The following PHACTR4 variants were observed in gnomAD, a reference collection of about 807,000 sequenced individuals.
The protein encoded by PHACTR4 is phosphatase and actin regulator 4.
PHACTR4 carries 51 observed loss-of-function variants against 72.7 expected under a neutral mutation model. The ratio of observed to expected loss-of-function variants is 0.70; its 90% CI spans 0.56 to 0.89. The LOEUF (loss-of-function observed/expected upper bound fraction) is 0.89. PHACTR4 is among the 40% of genes least tolerant of loss of function. The pLI, the probability that PHACTR4 is intolerant of heterozygous loss-of-function variation, is 0.00. For missense variants in PHACTR4, 731 were observed against 861.8 expected (o/e 0.85, Z 1.90); for synonymous variants, 255 against 302.5 (o/e 0.84, Z 1.63).
intron 2 of PHACTR4, among the ~76,000 whole-genome samples, chr1:28,440,404 T>TTTTTTTTA (rs1656935256): frequency 9.0e-6 from 1 of 110,922 alleles, no homozygotes; most frequent in Non-Finnish European, 1.9e-5. Context: ...CTTTTTTTTT[T>TTTTTTTTA]TTTTTTTTTG....
intron 1 of PHACTR4, among the ~76,000 whole-genome samples, chr1:28,398,290 G>A (rs1389084956): frequency 6.6e-6 from 1 of 152,128 alleles, no homozygotes; most frequent in African/African-American, 2.4e-5. Flanking sequence ...GGAGGCCAAG[G>A]TGGGCAGATC....
intron 5 of PHACTR4, among the ~76,000 whole-genome samples, 178 bp downstream of exon 5, chr1:28,466,027 A>C (rs1659140033): frequency 6.6e-6 from 1 of 152,174 alleles, no homozygotes; most frequent in African/African-American, 2.4e-5. Context: ...TTATTCACTA[A>C]ATACCTAAAT....
intron 2 of PHACTR4, among the ~76,000 whole-genome samples, chr1:28,408,842 A>ATTTT (rs112708658): frequency 7.7e-6 from 1 of 130,406 alleles, no homozygotes; most frequent in African/African-American, 2.9e-5. Flanking sequence ...TGCCCGACTG[A>ATTTT]TTTTTTTTTT....
chr1:28,402,273 A>G (rs1653999854), intron 1 of PHACTR4, among the ~76,000 whole-genome samples: 2 of 152,234 alleles, frequency 1.3e-5, no homozygotes, highest in South Asian at 4.1e-4. Flanking sequence ...TGGGGGGGAA[A>G]AAATTGGGAG....
intron 8 of PHACTR4, among the ~76,000 whole-genome samples, chr1:28,479,678 G>C (rs1264011269): frequency 6.6e-6 from 1 of 151,808 alleles, no homozygotes; most frequent in Non-Finnish European, 1.5e-5. Context: ...CTGAGGTCAG[G>C]AGTTCAAACC....
At chr1:28,435,742 T>A (rs1656591124) in intron 2 of PHACTR4, among the ~76,000 whole-genome samples, 1 of 152,242 alleles carries the variant, frequency 6.6e-6, no homozygotes, top group Admixed American at 6.5e-5. Flanking sequence ...ATGATGATGA[T>A]GGTGATAACG....
intron 2 of PHACTR4, among the ~76,000 whole-genome samples, chr1:28,435,496 C>A (rs1223957241): frequency 1.3e-5 from 2 of 152,206 alleles, no homozygotes; most frequent in Non-Finnish European, 2.9e-5. Flanking sequence ...AACTCCTGAC[C>A]TCAGGTGATC....
chr1:28,471,938 G>A (rs991307963), intron 6 of PHACTR4, among the ~76,000 whole-genome samples: 5 of 151,920 alleles, frequency 3.3e-5, no homozygotes, highest in South Asian at 2.1e-4. Context: ...TAGGCCGGGC[G>A]CGGTGGCTCA....
intron 12 of PHACTR4, among the ~76,000 whole-genome samples, chr1:28,492,294 G>A (rs1661084202): frequency 1.3e-5 from 2 of 149,566 alleles, no homozygotes; most frequent in Non-Finnish European, 3.0e-5. Flanking sequence ...AAAATTAGCT[G>A]GGTGTGATGG....
rs1469927603 is a variant in PHACTR4, at chr1:28,493,051, T to C, written c.2053T>C (p.Ser685Pro). 6.2e-7 allele frequency: 1 copy of C among 1,613,530 alleles called. No homozygotes were observed. Among genetic ancestry groups the C allele is most frequent in the South Asian group, 1.1e-5 (1 of 91,068 alleles). ...AAAAGAATTAAATGAATTTAAAAGC[T>C]CCGAGATGGAGGTTCATGAAGAGAG... ...IRKELNEFKS[S>P]EMEVHEESKH... The change falls in exon 13 of 14, where the codon TCC becomes CCC. Residue 685 changes from serine to proline, a missense_variant. By Grantham distance (74) the Ser-to-Pro change is moderately conservative. Coordinates refer to ENST00000373839, the MANE Select transcript of PHACTR4 (RefSeq NM_001048183.3).
At chr1:28,391,370 G>T (rs905625080) in intron 1 of PHACTR4, among the ~76,000 whole-genome samples, 4 of 150,992 alleles carry the variant, frequency 2.6e-5, no homozygotes, top group African/African-American at 9.8e-5. Context: ...TTGCACTCCA[G>T]CCTGGGCTAC....
chr1:28,472,741 T>C (rs1280729957), intron 6 of PHACTR4, among the ~76,000 whole-genome samples: 1 of 151,602 alleles, frequency 6.6e-6, no homozygotes, highest in African/African-American at 2.4e-5. Context: ...GTAGCTGGGA[T>C]TATAGGTGCC....
chr1:28,443,876 C>T (rs1337573665), intron 2 of PHACTR4, among the ~76,000 whole-genome samples: 1 of 152,126 alleles, frequency 6.6e-6, no homozygotes, highest in African/African-American at 2.4e-5. Context: ...AGTAGTACTA[C>T]AGTAAACATG....
chr1:28,382,338 C>T (rs1652240571), intron 1 of PHACTR4, among the ~76,000 whole-genome samples: 1 of 151,394 alleles, frequency 6.6e-6, no homozygotes, highest in Admixed American at 6.6e-5. Flanking sequence ...GAGTCTCCCT[C>T]TGTTGCCCAG....
chr1:28,480,166 G>A (rs916903411), intron 8 of PHACTR4, among the ~76,000 whole-genome samples: 2 of 152,208 alleles, frequency 1.3e-5, no homozygotes, highest in African/African-American at 4.8e-5. Context: ...GCTGTCCCAT[G>A]CTTAGATTCT....
At chr1:28,416,545 G>A (rs1484072098) in intron 2 of PHACTR4, among the ~76,000 whole-genome samples, 1 of 152,184 alleles carries the variant, frequency 6.6e-6, no homozygotes, top group East Asian at 1.9e-4. Flanking sequence ...AGTAGTAGAA[G>A]CCTGGAAAGG....
At chr1:28,400,183 G>A (rs560513852) in intron 1 of PHACTR4, among the ~76,000 whole-genome samples, 25 of 152,126 alleles carry the variant, frequency 1.6e-4, no homozygotes, top group Admixed American at 3.3e-4. Context: ...GACCAGCCTG[G>A]CCAACATGGT....
intron 4 of PHACTR4, among the ~76,000 whole-genome samples, chr1:28,463,347 C>T (rs1268553619): frequency 2.0e-5 from 3 of 152,144 alleles, no homozygotes; most frequent in African/African-American, 7.2e-5. Context: ...ACTTCATTAA[C>T]ATTGCAGAAC....
At chr1:28,470,875 A>C (rs947824807) in intron 6 of PHACTR4, among the ~76,000 whole-genome samples, 1 of 151,580 alleles carries the variant, frequency 6.6e-6, no homozygotes, top group African/African-American at 2.4e-5. Flanking sequence ...AATTAAAAAA[A>C]TTAGTCAGGC....
Sources: gnomAD v4.1 joint callset for allele counts (sites outside exome capture counted in the v4.1 genomes callset) on GRCh38, gnomAD v4.1.1 for gene constraint, MANE v1.5 for transcripts, NCBI Gene and HGNC (gene_info 2026-07-23, HGNC 2026-07-21) for gene names.